COPE: variants seen among roughly 807,000 people sequenced by gnomAD.
COPE encodes the protein coatomer subunit epsilon.
Under a neutral mutation model 42.1 loss-of-function variants are expected in COPE, and 19 were observed. The observed-to-expected ratio is 0.45, with a 90% CI of 0.31 to 0.66. The LOEUF is 0.66. COPE is among the 30% of genes least tolerant of loss of function. COPE has a pLI of 0.05. For synonymous variants in COPE, 195 were observed against 181.3 expected (o/e 1.08, Z -0.60); for missense variants, 402 against 416.1 (o/e 0.97, Z 0.30).
In COPE at chr19:18,919,308, C is replaced by A; in HGVS notation, c.41G>T (p.Gly14Val). 1 of 1,613,684 alleles carries A rather than the reference C, an allele frequency of 6.2e-7. No individual in the cohort carries two copies. The highest frequency in any genetic ancestry group is 8.5e-7 in the Non-Finnish European group (1 of 1,179,964). Residue 14 changes from glycine (G) to valine (V), a missense_variant, in exon 1 of 10, where the codon GGG (glycine) becomes GTG (valine). Coordinates refer to ENST00000262812, the MANE Select transcript of COPE (RefSeq NM_007263.4). ...TACGTCGAACAGCTCGTCTACCTCC[C>A]CGGAGCCGCCGGAGGCCGGGCCGGG... Reference protein sequence around the residue: ...PAPGPASGGSGEVDELFDVKN... With the variant: ...PAPGPASGGSVEVDELFDVKN...
At chr19:18,900,010 C>A in intron 8 of COPE, 63 bp from the exon 9 acceptor site, 1 of 1,467,684 alleles carries the variant, frequency 6.8e-7, no homozygotes, top group Non-Finnish European at 9.4e-7. Context: ...CTCTGACCTG[C>A]TGGACAGGGG....
At chr19:18,903,224 C>G (rs777002447) in intron 7 of COPE, 44 bp downstream of exon 7, 1 of 1,514,420 alleles carries the variant, frequency 6.6e-7, no homozygotes, top group Non-Finnish European at 8.8e-7. Context: ...CTCTGGCCGC[C>G]TGGCCTTCCC....
At position 18,902,794 on chromosome 19, in the gene COPE, AAGG is replaced by A. The variant is rs1568314992; in HGVS notation, c.735+471_735+473del. Reference sequence around the variant, plus strand: ...GAAAGAAGGAAGGAAGGAAGGAAGGAAGGAAGGAAGGAAGGAAGGAAGGAAGGA... The same window carrying A: ...GAAAGAAGGAAGGAAGGAAGGAAGGAAAGGAAGGAAGGAAGGAAGGAAGGA... On this transcript the variant is annotated intron_variant, in intron 7 of 9. Coordinates refer to ENST00000262812, the MANE Select transcript of COPE (RefSeq NM_007263.4). 1.7e-4 allele frequency among the ~76,000 whole-genome samples: 14 copies of A among 84,522 alleles called. 2 individuals are homozygous for A. The highest frequency in any genetic ancestry group is 2.3e-4 in the Admixed American group (2 of 8,658). The allele number at this position is 84,522 out of a possible 152,430, so 55.4% of individuals were successfully genotyped here.
At chr19:18,911,944 A>G (rs1421516496) in intron 2 of COPE, among the ~76,000 whole-genome samples, 2 of 147,666 alleles carry the variant, frequency 1.4e-5, no homozygotes, top group Non-Finnish European at 3.0e-5. Context: ...TCTGCCTCCC[A>G]GGTTCAAGTA....
chr19:18,912,586 G>A (rs1042658929), intron 2 of COPE, among the ~76,000 whole-genome samples: 2 of 152,062 alleles, frequency 1.3e-5, no homozygotes, highest in Non-Finnish European at 2.9e-5. Flanking sequence ...GTGAAACCAC[G>A]TGTTTATTAA....
In COPE at chr19:18,911,063, G is replaced by C. The variant is rs757785903; in HGVS notation, c.198C>G (p.Phe66Leu). 3 of 1,613,860 alleles carry C rather than the reference G, an allele frequency of 1.9e-6. No homozygotes were observed. The South Asian group carries it at 3.3e-5, about 18-fold the overall frequency. ...GCTTGATCTCATCCAGGACCACACC[G>C]AACTTCCTCTGCAGTAGGGACGAGG... is the stretch of plus-strand genomic sequence containing the variant. Reference protein sequence around the residue: ...LYRAYLAQRKFGVVLDEIKPS... With the variant: ...LYRAYLAQRKLGVVLDEIKPS... The change falls in exon 3 of 10, where the codon TTC becomes TTG. Residue 66 changes from phenylalanine (F) to leucine (L), a missense_variant. Phe to Leu is a conservative substitution (Grantham distance 22). Transcript: ENST00000262812.
intron 4 of COPE, 198 bp downstream of exon 4, chr19:18,906,762 C>G (rs1292085432): frequency 3.4e-6 from 2 of 581,110 alleles, no homozygotes; most frequent in Non-Finnish European, 5.8e-6. Context: ...GTCCTTGGAT[C>G]TGCAGCCTGG....
At chr19:18,916,379 C>T (rs1435652557) in intron 1 of COPE, among the ~76,000 whole-genome samples, 2 of 150,570 alleles carry the variant, frequency 1.3e-5, no homozygotes, top group South Asian at 2.1e-4. Context: ...CCTGGCCAGG[C>T]GTGGTGGCTC....
chr19:18,919,083 C>T, intron 1 of COPE, 140 bp downstream of exon 1: 1 of 783,914 alleles, frequency 1.3e-6, no homozygotes, highest in Non-Finnish European at 2.1e-6. Context: ...GTGACTACTC[C>T]TCACTGAACT....
intron 7 of COPE, among the ~76,000 whole-genome samples, chr19:18,902,426 A>G (rs1054493089): frequency 6.6e-6 from 1 of 151,426 alleles, no homozygotes; most frequent in African/African-American, 2.4e-5. Flanking sequence ...GCACTTTGGG[A>G]GGCTGAGGCG....
At chr19:18,914,498 G>A (rs776585261) in intron 1 of COPE, among the ~76,000 whole-genome samples, 12 of 151,900 alleles carry the variant, frequency 7.9e-5, no homozygotes, top group Middle Eastern at 3.4e-3. Context: ...CCGAGATCAC[G>A]CCATTGCACT....
chr19:18,917,241 C>CTTTT lies in COPE; in HGVS notation c.126+1978_126+1981dup, dbSNP rs531312180. On this transcript the variant is annotated intron_variant, in intron 1 of 9. Coordinates refer to ENST00000262812, the MANE Select transcript of COPE (RefSeq NM_007263.4). ...AGCCTACTAGAAACATTCTTTTTTT[C>CTTTT]TTTTTTTTTTTTTTTTTTTGAGATA... Among the ~76,000 whole-genome samples, 299 of 110,626 alleles carry CTTTT rather than the reference C, an allele frequency of 2.7e-3. 5 individuals are homozygous for CTTTT. Among genetic ancestry groups the CTTTT allele is most frequent in the Admixed American group, 6.4e-3 (63 of 9,802 alleles). The allele number at this position is 110,626 out of a possible 152,430, so 72.6% of individuals were successfully genotyped here.
intron 7 of COPE, among the ~76,000 whole-genome samples, chr19:18,901,119 G>A (rs1174046648): frequency 6.6e-6 from 1 of 152,216 alleles, no homozygotes; most frequent in Non-Finnish European, 1.5e-5. Flanking sequence ...GGGAAGTGGG[G>A]GGACCTGAGT....
chr19:18,915,498 G>C (rs981882793), intron 1 of COPE, among the ~76,000 whole-genome samples: 1 of 152,204 alleles, frequency 6.6e-6, no homozygotes, highest in Non-Finnish European at 1.5e-5. Flanking sequence ...CCATCAGGAC[G>C]CATGTGTGTC....
chr19:18,900,061 A>AC (rs1196104805), intron 8 of COPE, 114 bp from the exon 9 acceptor site: 1 of 827,272 alleles, frequency 1.2e-6, no homozygotes, highest in Non-Finnish European at 1.8e-6. Context: ...GGGGCTCCTC[A>AC]CCCTGCCTTG....
rs959644438 is a variant in COPE at position 18,919,232 on chromosome 19, C to A, written c.117G>T (p.Gln39His). Residue 39 changes from glutamine (Q) to histidine (H), a missense_variant, in exon 1 of 10, where the codon CAG becomes CAT. Coordinates refer to ENST00000262812, the MANE Select transcript of COPE (RefSeq NM_007263.4). ...CCCTGCGCGGCCGCACCTTCACCCG[C>A]TGCGCCTCGTTTATGCACTGCTGGT... The part of the protein sequence containing the change: ...GSYQQCINEA[Q>H]RVKLSSPERD... The A allele has an allele frequency of 3.1e-6, 5 of 1,612,004 alleles. No individual in the cohort carries two copies. The highest frequency in any genetic ancestry group is 1.7e-5 in the Admixed American group (1 of 59,968).
intron 8 of COPE, among the ~76,000 whole-genome samples, chr19:18,900,176 G>A (rs975771831): frequency 2.6e-5 from 4 of 151,608 alleles, no homozygotes; most frequent in Admixed American, 6.8e-5. Context: ...GGTGGGGGAT[G>A]TATTGTGGTG....
chr19:18,907,784 T>G (rs1277007510), intron 3 of COPE, among the ~76,000 whole-genome samples: 1 of 152,202 alleles, frequency 6.6e-6, no homozygotes, highest in Non-Finnish European at 1.5e-5. Flanking sequence ...AGACCAAAGC[T>G]GGTGTTCTTC....
intron 2 of COPE, 63 bp downstream of exon 2, chr19:18,912,921 T>G: frequency 6.5e-7 from 1 of 1,548,850 alleles, no homozygotes; most frequent in South Asian, 1.1e-5. Context: ...GGTGCCTTCC[T>G]GTCCCCAGCC....
Sources: gnomAD v4.1 joint callset for allele counts (sites outside exome capture counted in the v4.1 genomes callset) on GRCh38, gnomAD v4.1.1 for gene constraint, MANE v1.5 for transcripts, NCBI Gene and HGNC (gene_info 2026-07-23, HGNC 2026-07-21) for gene names.